The following NOL10 variants were observed in gnomAD, a reference collection of about 807,000 sequenced individuals.
The protein encoded by NOL10 is nucleolar protein 10.
In NOL10, 58 loss-of-function variants were observed where a neutral mutation model predicts 103.5. The observed-to-expected ratio is 0.56, with a 90% confidence interval of 0.45 to 0.70. The LOEUF (loss-of-function observed/expected upper bound fraction) is 0.70. NOL10 is among the 30% of genes least tolerant of loss of function. The probability of loss-of-function intolerance (pLI) is 0.00; values close to 1 mark genes in which losing one functional copy is unlikely to be tolerated. For synonymous variants in NOL10, 287 were observed against 282.5 expected, an observed-to-expected ratio of 1.02 and a Z score of -0.16; for missense variants, 763 against 807.3, an observed-to-expected ratio of 0.95 and a Z score of 0.67.
In NOL10 at chr2:10,620,639, A is replaced by G. The variant is rs984327507; in HGVS notation, c.1027-13328T>C. ...GTGGAATAAAATGTGGTCAACCACA[A>G]CAGTACTTAAGTAGAGTCTTAAGTA... On this transcript the variant is annotated intron_variant, in intron 13 of 20. Coordinates refer to ENST00000381685, the MANE Select transcript of NOL10 (RefSeq NM_024894.4). 2.6e-5 allele frequency among the ~76,000 whole-genome samples: 4 copies of G among 152,246 alleles called. No homozygotes were observed. The South Asian group carries it at 8.3e-4, about 31-fold the overall frequency.
intron 3 of NOL10, among the ~76,000 whole-genome samples, chr2:10,676,803 A>G (rs1008553840): frequency 6.6e-6 from 1 of 151,498 alleles, no homozygotes; most frequent in Non-Finnish European, 1.5e-5. Flanking sequence ...ATGCCCAGCT[A>G]ATTTTTGTAT....
intron 13 of NOL10, among the ~76,000 whole-genome samples, chr2:10,609,375 C>G (rs895916972): frequency 7.3e-6 from 1 of 137,714 alleles, no homozygotes; most frequent in Non-Finnish European, 1.5e-5. Context: ...ATCACGAGGT[C>G]AGGAGATTGA....
At chr2:10,636,134 C>T (rs537587055) in intron 13 of NOL10, among the ~76,000 whole-genome samples, 108 of 152,110 alleles carry the variant, frequency 7.1e-4, no homozygotes, top group African/African-American at 2.5e-3. Flanking sequence ...GTGATCTACC[C>T]GCCTCGGCCT....
Position 10,589,243 on chromosome 2 carries a change from C to T in NOL10, c.1644G>A (p.Ser548=), listed in dbSNP as rs552515176. The T allele has an allele frequency of 3.9e-4, 636 of 1,613,872 alleles. 5 individuals carry two copies. In the South Asian group the frequency reaches 6.2e-3, roughly 16 times the overall value. ...PEGKPSDAES[S]ESSDDEKAWV... is the part of the protein sequence containing the mutation. ...AGGCTTTTTCATCATCTGAACTCTC[C>T]GAACTTTCTGCATCACTTGGTTTTC... Residue 548 remains serine (S), a synonymous_variant, in exon 19 of 21, where the codon TCG becomes TCA. Transcript: ENST00000381685.
chr2:10,669,541 CAA>C (rs1680794233), intron 6 of NOL10, among the ~76,000 whole-genome samples: 1 of 133,450 alleles, frequency 7.5e-6, no homozygotes. Context: ...CACACACACA[CAA>C]ACATAATAGC....
intron 13 of NOL10, chr2:10,621,978 T>C (rs893428684): frequency 4.1e-5 from 18 of 436,204 alleles, no homozygotes; most frequent in South Asian, 3.0e-4. Flanking sequence ...ATTAATTAAA[T>C]GAAATTAAAA....
intron 13 of NOL10, among the ~76,000 whole-genome samples, chr2:10,634,004 T>C (rs1284209902): frequency 1.3e-5 from 2 of 152,126 alleles, no homozygotes; most frequent in African/African-American, 4.8e-5. Flanking sequence ...TTTTTAAAAC[T>C]TTTTGTGGAA....
At chr2:10,602,719 C>A in intron 16 of NOL10, 57 bp downstream of exon 16, 1 of 1,084,926 alleles carries the variant, frequency 9.2e-7, no homozygotes, top group Non-Finnish European at 1.4e-6. Flanking sequence ...GAATAATACA[C>A]AAAATGGAAA....
chr2:10,652,450 A>G (rs1679536002), intron 12 of NOL10, among the ~76,000 whole-genome samples: 1 of 152,092 alleles, frequency 6.6e-6, no homozygotes, highest in Non-Finnish European at 1.5e-5. Context: ...CTACACAGTT[A>G]TAAAATATTA....
At chr2:10,585,598 G>A (rs1288992419) in intron 19 of NOL10, among the ~76,000 whole-genome samples, 1 of 152,168 alleles carries the variant, frequency 6.6e-6, no homozygotes, top group Non-Finnish European at 1.5e-5. Context: ...AATATTACTT[G>A]GTAATAAAAA....
Position 10,657,803 on chromosome 2 carries a change from T to A in NOL10, c.845A>T (p.Asp282Val). The A allele has an allele frequency of 6.4e-7, 1 of 1,551,310 alleles. No individual in the cohort carries two copies. Among genetic ancestry groups the A allele is most frequent in the Non-Finnish European group, 8.7e-7 (1 of 1,146,742 alleles). ...GLPIKSVHFQDSLDLILSADS... is the reference protein window; with the variant it reads ...GLPIKSVHFQVSLDLILSADS... ...AGCAGACAAAATCAGATCTAATGAA[T>A]CCTGGAAATGAACGGACTTAATGGG... The change falls in exon 11 of 21, where the codon GAT (aspartate) becomes GTT (valine). Residue 282 changes from aspartate (D) to valine (V), a missense_variant. Transcript: ENST00000381685.
At chr2:10,599,761 T>C (rs1012525277) in intron 17 of NOL10, among the ~76,000 whole-genome samples, 6 of 152,152 alleles carry the variant, frequency 3.9e-5, no homozygotes, top group South Asian at 2.1e-4. Context: ...TGAATCCATT[T>C]GGAAAGCACA....
chr2:10,675,729 A>G (rs1681264046), intron 4 of NOL10, 65 bp downstream of exon 4: 1 of 902,790 alleles, frequency 1.1e-6, no homozygotes, highest in South Asian at 1.6e-5. Flanking sequence ...TTCTCATTTT[A>G]AAACCAGAAA....
chr2:10,677,869 G>A (rs942925014), intron 3 of NOL10, among the ~76,000 whole-genome samples: 38 of 140,562 alleles, frequency 2.7e-4, no homozygotes, highest in Non-Finnish European at 4.3e-4. Flanking sequence ...GTGTGTGTGT[G>A]TGTATACACA....
intron 17 of NOL10, among the ~76,000 whole-genome samples, chr2:10,591,639 G>A (rs1036338541): frequency 2.0e-5 from 3 of 152,112 alleles, no homozygotes; most frequent in African/African-American, 7.2e-5. Flanking sequence ...GAAGAGAAAC[G>A]AAGGAGGGAG....
intron 13 of NOL10, among the ~76,000 whole-genome samples, chr2:10,641,614 C>T (rs1388830472): frequency 6.6e-6 from 1 of 152,158 alleles, no homozygotes; most frequent in Non-Finnish European, 1.5e-5. Context: ...GTTTAATATT[C>T]TCCTGCCTCT....
chr2:10,603,199 C>T lies in NOL10; in HGVS notation c.1154-42G>A, dbSNP rs544063497. Reference sequence around the variant, plus strand: ...AGAAGACAGCAGGTCCTTATGCAATCTTCATTAACATTCAACAGTTTTTCT... The same window carrying T: ...AGAAGACAGCAGGTCCTTATGCAATTTTCATTAACATTCAACAGTTTTTCT... On this transcript the variant is annotated intron_variant, in intron 14 of 20. Transcript: ENST00000381685. 7.5e-5 allele frequency: 105 copies of T among 1,408,010 alleles called. No individual in the cohort carries two copies. In the African/African-American group the frequency reaches 9.0e-4, roughly 12 times the overall value. The allele number at this position is 1,408,010 out of a possible 1,614,324, so 87.2% of individuals were successfully genotyped here. A position where few individuals can be genotyped will look rare whatever the true frequency, so the allele number is the denominator to read the frequency against.
intron 13 of NOL10, among the ~76,000 whole-genome samples, chr2:10,626,293 C>G (rs937766815): frequency 7.2e-5 from 11 of 151,968 alleles, no homozygotes; most frequent in African/African-American, 2.7e-4. Context: ...TTCTAAGAAC[C>G]AAGGACACAG....
intron 12 of NOL10, among the ~76,000 whole-genome samples, chr2:10,652,927 G>A (rs566505888): frequency 1.4e-4 from 21 of 152,236 alleles, no homozygotes; most frequent in Middle Eastern, 3.4e-3. Flanking sequence ...CAGGCGCGGC[G>A]GCTCACATCT....
Sources: gnomAD v4.1 joint callset for allele counts (sites outside exome capture counted in the v4.1 genomes callset) on GRCh38, gnomAD v4.1.1 for gene constraint, MANE v1.5 for transcripts, NCBI Gene and HGNC (gene_info 2026-07-23, HGNC 2026-07-21) for gene names.